The following MYO7B variants were observed in gnomAD, a reference collection of about 807,000 sequenced individuals.
The protein encoded by MYO7B is unconventional myosin-VIIb.
A neutral mutation model predicts 259.7 loss-of-function variants in MYO7B; 212 were observed. The ratio of observed to expected loss-of-function variants is 0.82; its 90% CI spans 0.73 to 0.91. The LOEUF (loss-of-function observed/expected upper bound fraction) is 0.91. Ranked by LOEUF, MYO7B falls within the 40% of genes least tolerant of loss-of-function variation. The pLI, the probability that MYO7B is intolerant of heterozygous loss-of-function variation, is 0.00. For synonymous variants in MYO7B, 1,197 were observed against 1,166.4 expected, an observed-to-expected ratio of 1.03 and a Z score of -0.54; for missense variants, 2,732 against 2,813.5, an observed-to-expected ratio of 0.97 and a Z score of 0.66.
intron 26 of MYO7B, 115 bp from the exon 27 acceptor site, chr2:127,620,225 G>A: frequency 7.8e-7 from 1 of 1,283,342 alleles, no homozygotes. Context: ...GCGCTGGAGA[G>A]GTGCCCTGCA....
In MYO7B at chr2:127,559,854, G is replaced by T; in HGVS notation, c.18+114G>T. The T allele has an allele frequency of 8.1e-7, 1 of 1,239,212 alleles. No homozygotes were observed. The highest frequency in any genetic ancestry group is 1.2e-6 in the Non-Finnish European group (1 of 842,028). The allele number at this position is 1,239,212 out of a possible 1,614,324, so 76.8% of individuals were successfully genotyped here. A position where few individuals can be genotyped will look rare whatever the true frequency, so the allele number is the denominator to read the frequency against. ...AATGAGACCCTATAGGAAAATACCA[G>T]AGACAGGGGAGTTTAGGAAACACGA... On this transcript the variant is annotated intron_variant, in intron 2 of 47. Coordinates refer to ENST00000409816, the MANE Select transcript of MYO7B (RefSeq NM_001393586.1). The surrounding 1 kb of genome is among the most constrained non-coding windows in gnomAD (Gnocchi z 4.1).
Position 127,630,512 on chromosome 2 carries a change from C to T in MYO7B, c.4807-266C>T, listed in dbSNP as rs73953664. Among the ~76,000 whole-genome samples the T allele has an allele frequency of 2.4e-3, 362 of 152,244 alleles. 1 individual carries two copies. The highest frequency in any genetic ancestry group is 8.4e-3 in the African/African-American group (348 of 41,536). Reference sequence around the variant, plus strand: ...TGGGGAGCTGGGGGTCTGAGAAACCCAGAGTGCCGTGGCCCCCAGAACGGG... The same window carrying T: ...TGGGGAGCTGGGGGTCTGAGAAACCTAGAGTGCCGTGGCCCCCAGAACGGG... On this transcript the variant is annotated intron_variant, in intron 35 of 47. Coordinates refer to ENST00000409816, the MANE Select transcript of MYO7B (RefSeq NM_001393586.1).
intron 42 of MYO7B, 75 bp from the exon 43 acceptor site, chr2:127,635,045 G>GT: frequency 8.3e-7 from 1 of 1,209,524 alleles, no homozygotes; most frequent in Non-Finnish European, 1.2e-6. Flanking sequence ...CAGGCGCAGT[G>GT]TGGGGGGTGG....
chr2:127,612,485 C>T lies in MYO7B; in HGVS notation c.3280C>T (p.Gln1094Ter). Residue 1094 changes from glutamine (Q) to a stop codon, truncating the protein, a stop_gained, in exon 26 of 48, where the codon CAG becomes TAG. Coordinates refer to ENST00000409816, the MANE Select transcript of MYO7B (RefSeq NM_001393586.1). LOFTEE classifies it high-confidence loss of function. Reference sequence around the variant, plus strand: ...GCCTTTGGGTTTCAAGGTGGCCAGCCAGCTGAACATTGGAGAGGAGGCATT... The same window carrying T: ...GCCTTTGGGTTTCAAGGTGGCCAGCTAGCTGAACATTGGAGAGGAGGCATT... ...SSRITGQVAS[Q>*]LNIGEEALEP... The T allele has an allele frequency of 1.3e-6, 2 of 1,554,198 alleles. No homozygotes were observed. Among genetic ancestry groups the T allele is most frequent in the Non-Finnish European group, 1.7e-6 (2 of 1,148,456 alleles).
rs771094263 is a variant in MYO7B at position 127,565,288 on chromosome 2, C to T, written c.188C>T (p.Ser63Leu). 9 of 1,614,046 alleles carry T rather than the reference C, an allele frequency of 5.6e-6. No homozygotes were observed. Among genetic ancestry groups the T allele is most frequent in the African/African-American group, 1.3e-5 (1 of 75,064 alleles). ...GTCCTCAGTCCCATGCACCCCAACT[C>T]AGTCCAGGGTGTGGACGACATGATC... is the stretch of plus-strand genomic sequence containing the variant. Reference protein sequence around the residue: ...FGVLSPMHPNSVQGVDDMIRL... With the variant: ...FGVLSPMHPNLVQGVDDMIRL... Residue 63 changes from serine to leucine, a missense_variant, in exon 4 of 48, where the codon TCA (serine) becomes TTA (leucine). By Grantham distance (145) the Ser-to-Leu change is moderately radical (BLOSUM62 -2). Around this residue, in one of 3 missense-constraint regions of MYO7B, gnomAD observed 1,906 missense variants for 2,026.4 expected, o/e 0.94. Transcript: ENST00000409816.
Position 127,535,719 on chromosome 2 carries a change from T to G in MYO7B, c.-136T>G, listed in dbSNP as rs1467319016. The G allele has an allele frequency of 6.6e-6, 1 of 152,294 alleles. No individual in the cohort carries two copies. The highest frequency in any genetic ancestry group is 1.9e-4 in the East Asian group (1 of 5,186). 9.4% of individuals were successfully genotyped at this position (152,294 alleles called of 1,614,324 possible). ...CTTGGAGCCCTACCTCTTCTTCCTC[T>G]GTCCCTTACTCCCTGACACACCCGG... On this transcript the variant is annotated 5_prime_UTR_variant, in exon 1 of 48. Transcript: ENST00000409816. This position sits in a 1 kb window ranked among gnomAD's most constrained non-coding sequence, Gnocchi z 4.8.
chr2:127,630,670 G>T, intron 35 of MYO7B, 108 bp from the exon 36 acceptor site: 2 of 1,510,798 alleles, frequency 1.3e-6, no homozygotes, highest in Non-Finnish European at 1.8e-6. Context: ...GTTCAGCCCT[G>T]GGCCTGACCC....
Position 127,596,480 on chromosome 2 carries a change from C to A in MYO7B, c.2263C>A (p.Leu755Met). 6.2e-7 allele frequency: 1 copy of A among 1,613,458 alleles called. No individual in the cohort carries two copies. ...GTTCCAGGATCATCAGGACACTCTG[C>A]TGGAGGTACAGAGAAGCCAGGTGCT... ...IFLRDHQDTL[L>M]EVQRSQVLDR... is the part of the protein sequence containing the mutation. The change falls in exon 19 of 48, where the codon CTG becomes ATG. Residue 755 changes from leucine (L) to methionine (M), a missense_variant. Leu to Met is a conservative substitution (Grantham distance 15, BLOSUM62 2). Around this residue, in one of 3 missense-constraint regions of MYO7B, gnomAD observed 1,906 missense variants for 2,026.4 expected, o/e 0.94. Transcript: ENST00000409816.
chr2:127,609,452 G>A lies in MYO7B; in HGVS notation c.2815-54G>A. The A allele has an allele frequency of 6.6e-7, 1 of 1,523,044 alleles. No homozygotes were observed. The highest frequency in any genetic ancestry group is 9.0e-7 in the Non-Finnish European group (1 of 1,116,956). The allele number at this position is 1,523,044 out of a possible 1,614,324, so 94.3% of individuals were successfully genotyped here. Reference sequence around the variant, plus strand: ...GGCCTGCTGGACAGTCAGCTGATGGGTTGGTTGTTACCTGAAAGCCCTGCT... The same window carrying A: ...GGCCTGCTGGACAGTCAGCTGATGGATTGGTTGTTACCTGAAAGCCCTGCT... On this transcript the variant is annotated intron_variant, in intron 22 of 47. Coordinates refer to ENST00000409816, the MANE Select transcript of MYO7B (RefSeq NM_001393586.1). This position sits in a 1 kb window ranked among gnomAD's most constrained non-coding sequence, Gnocchi z 6.9.
chr2:127,622,375 G>T (rs79912355), intron 28 of MYO7B, among the ~76,000 whole-genome samples: 1 of 152,104 alleles, frequency 6.6e-6, no homozygotes, highest in Non-Finnish European at 1.5e-5. Context: ...ATTACAGTGC[G>T]CCAGTTGCTT....
chr2:127,636,186 T>G lies in MYO7B; in HGVS notation c.6007-22T>G. On this transcript the variant is annotated intron_variant, in intron 44 of 47. Transcript: ENST00000409816. The surrounding 1 kb of genome is among the most constrained non-coding windows in gnomAD (Gnocchi z 4.5). Reference sequence around the variant, plus strand: ...GAGGGCCTCTGGGCACCCAAGTCCTTACTGGCCCTCCTGTCCCCCAGAGCA... The same window carrying G: ...GAGGGCCTCTGGGCACCCAAGTCCTGACTGGCCCTCCTGTCCCCCAGAGCA... 1 of 1,592,776 alleles carries G rather than the reference T, an allele frequency of 6.3e-7. No individual in the cohort carries two copies. Among genetic ancestry groups the G allele is most frequent in the Non-Finnish European group, 8.6e-7 (1 of 1,162,670 alleles).
At position 127,620,432 on chromosome 2, in the gene MYO7B, T is replaced by A. The variant is rs757323705; in HGVS notation, c.3491T>A (p.Leu1164His). ...ARGWILLSLCLGCFPPSERFM... is the reference protein window; with the variant it reads ...ARGWILLSLCHGCFPPSERFM... Reference sequence around the variant, plus strand: ...GGCTGGATCCTGCTCAGCCTCTGCCTCGGCTGCTTCCCACCCTCAGAGAGG... The same window carrying A: ...GGCTGGATCCTGCTCAGCCTCTGCCACGGCTGCTTCCCACCCTCAGAGAGG... Residue 1164 changes from leucine to histidine, a missense_variant, in exon 27 of 48, where the codon CTC (leucine) becomes CAC (histidine). This residue lies in a region of MYO7B where 1,906 missense variants were observed against 2,026.4 expected (regional missense o/e 0.94). Transcript: ENST00000409816. 6.8e-7 allele frequency: 1 copy of A among 1,476,294 alleles called. No individual in the cohort carries two copies. The allele number at this position is 1,476,294 out of a possible 1,614,324, so 91.4% of individuals were successfully genotyped here. A position where few individuals can be genotyped will look rare whatever the true frequency, so the allele number is the denominator to read the frequency against.
chr2:127,600,431 C>T (rs1486782339), intron 19 of MYO7B, among the ~76,000 whole-genome samples: 3 of 152,148 alleles, frequency 2.0e-5, no homozygotes, highest in Admixed American at 1.3e-4. Context: ...CTTGTCCTGG[C>T]CGGGCATGGT....
At chr2:127,544,644 T>A (rs1226365613) in intron 1 of MYO7B, among the ~76,000 whole-genome samples, 2 of 146,724 alleles carry the variant, frequency 1.4e-5, no homozygotes, top group Non-Finnish European at 3.0e-5. Context: ...GCAGTGGCGC[T>A]ATCTCGGCTC....
chr2:127,536,021 G>A (rs1558784733), intron 1 of MYO7B, among the ~76,000 whole-genome samples, 190 bp downstream of exon 1: 1 of 152,230 alleles, frequency 6.6e-6, no homozygotes, highest in African/African-American at 2.4e-5. Context: ...CGGGCTGAAG[G>A]GCAGCACCTG....
chr2:127,631,214 A>G lies in MYO7B; in HGVS notation c.4946A>G (p.Glu1649Gly). 1 of 1,600,784 alleles carries G rather than the reference A, an allele frequency of 6.2e-7. No individual in the cohort carries two copies. Among genetic ancestry groups the G allele is most frequent in the Non-Finnish European group, 8.5e-7 (1 of 1,170,884 alleles). Residue 1649 changes from glutamate (E) to glycine (G), a missense_variant, in exon 37 of 48, where the codon GAG (glutamate) becomes GGG (glycine). Glu to Gly is a moderately conservative substitution (Grantham distance 98). This residue lies in a region of MYO7B where 821 missense variants were observed against 769.3 expected (regional missense o/e 1.07). Transcript: ENST00000409816. ...AGCCTCTAACCTCACAGGGCTCCAGAGAAGGACATGGTGAGCATGGCCGTG... is the reference window on the plus strand; with the variant it reads ...AGCCTCTAACCTCACAGGGCTCCAGGGAAGGACATGGTGAGCATGGCCGTG... ...EFSYEFFRAPEKDMVSMAVLP... is the reference protein window; with the variant it reads ...EFSYEFFRAPGKDMVSMAVLP...
intron 18 of MYO7B, among the ~76,000 whole-genome samples, chr2:127,594,987 TA>T (rs1679706216): frequency 1.3e-5 from 2 of 152,320 alleles, no homozygotes; most frequent in South Asian, 4.1e-4. Flanking sequence ...GCTGGCCTCA[TA>T]GAATGAGTCA....
rs200910174 is a variant in MYO7B, at chr2:127,580,762, C to A, written c.1020C>A (p.Asn340Lys). The change falls in exon 10 of 48, where the codon AAC (asparagine) becomes AAA (lysine). Residue 340 changes from asparagine to lysine, a missense_variant. Physicochemically the swap from Asn to Lys is moderately conservative, Grantham distance 94 (BLOSUM62 0). Transcript: ENST00000409816. ...NVGFMASVFE[N>K]LDASDVMETP... is the part of the protein sequence containing the mutation. ...TCTCTCTAGCTTCGGTCTTCGAGAA[C>A]CTGGACGCCTCAGACGTGATGGAGA... 1 of 1,613,296 alleles carries A rather than the reference C, an allele frequency of 6.2e-7. No individual in the cohort carries two copies. The highest frequency in any genetic ancestry group is 8.5e-7 in the Non-Finnish European group (1 of 1,179,712).
rs1008235928 is a variant in MYO7B at position 127,631,201 on chromosome 2, C to T, written c.4938-5C>T. 6.3e-7 allele frequency: 1 copy of T among 1,593,632 alleles called. No homozygotes were observed. The highest frequency in any genetic ancestry group is 8.6e-7 in the Non-Finnish European group (1 of 1,166,198). ...CAGGCCTCACACCAGCCTCTAACCT[C>T]ACAGGGCTCCAGAGAAGGACATGGT... On this transcript the variant is annotated splice_polypyrimidine_tract_variant and splice_region_variant and intron_variant, in intron 36 of 47. Coordinates refer to ENST00000409816, the MANE Select transcript of MYO7B (RefSeq NM_001393586.1).
Sources: allele counts gnomAD v4.1 joint callset (sites outside exome capture counted in the v4.1 genomes callset), GRCh38; gene constraint gnomAD v4.1.1; regional missense constraint gnomAD v4.1.1; non-coding constraint Gnocchi (gnomAD v3.1); transcripts MANE v1.5; gene names NCBI Gene and HGNC (gene_info 2026-07-23, HGNC 2026-07-21).